Variants in CSTF3 observed in about 807,000 individuals in gnomAD.
CSTF3 encodes the protein CF-1 77 kDa subunit.
Under a neutral mutation model 105.8 loss-of-function variants are expected in CSTF3, and 29 were observed. The observed-to-expected ratio is 0.27, with a 90% CI of 0.20 to 0.37. The LOEUF (loss-of-function observed/expected upper bound fraction) is 0.37, where lower values mean the gene tolerates loss of function less well. Among genes scored for constraint, CSTF3 ranks in the 10% least tolerant of loss-of-function variants. The probability of loss-of-function intolerance (pLI) is 1.00; values close to 1 mark genes in which losing one functional copy is unlikely to be tolerated. For missense variants in CSTF3, 357 were observed against 879.3 expected (o/e 0.41, Z 7.51); for synonymous variants, 252 against 281.9 (o/e 0.89, Z 1.06).
At chr11:33,086,015 C>A in intron 18 of CSTF3, 26 bp from the exon 19 acceptor site, 1 of 1,390,764 alleles carries the variant, frequency 7.2e-7, no homozygotes, top group Non-Finnish European at 9.6e-7. Context: ...AAGTATGAAT[C>A]AAGTGGAATG....
chr11:33,145,527 T>C (rs1298158419), intron 1 of CSTF3, among the ~76,000 whole-genome samples: 1 of 152,166 alleles, frequency 6.6e-6, no homozygotes, highest in South Asian at 2.1e-4. Context: ...ATGCAAATAT[T>C]GGCCGGGCAC....
At chr11:33,131,621 CG>C (rs1205261195) in intron 3 of CSTF3, among the ~76,000 whole-genome samples, 1 of 151,772 alleles carries the variant, frequency 6.6e-6, no homozygotes, top group Non-Finnish European at 1.5e-5. Flanking sequence ...CCGAGGCAGG[CG>C]GATCACGAGG....
chr11:33,090,853 A>G (rs1215558169), intron 16 of CSTF3, 126 bp from the exon 17 acceptor site: 9 of 546,732 alleles, frequency 1.6e-5, no homozygotes, highest in South Asian at 3.9e-5. Flanking sequence ...TTTATTATAA[A>G]GATTTTTAGA....
At chr11:33,107,057 G>C (rs1317952566) in intron 5 of CSTF3, among the ~76,000 whole-genome samples, 2 of 152,072 alleles carry the variant, frequency 1.3e-5, no homozygotes, top group Non-Finnish European at 2.9e-5. Flanking sequence ...AATTGCTTGA[G>C]CTCAGTAGTT....
intron 3 of CSTF3, among the ~76,000 whole-genome samples, chr11:33,116,620 G>A (rs1344631541): frequency 6.6e-6 from 1 of 152,166 alleles, no homozygotes; most frequent in African/African-American, 2.4e-5. Context: ...CCATTACAGA[G>A]GGCATAAAAA....
At chr11:33,128,796 TA>T (rs898951196) in intron 3 of CSTF3, among the ~76,000 whole-genome samples, 1 of 152,186 alleles carries the variant, frequency 6.6e-6, no homozygotes, top group Non-Finnish European at 1.5e-5. Flanking sequence ...TAAAAAATTA[TA>T]AATCATCAAG....
chr11:33,137,352 T>C (rs1006827681), intron 3 of CSTF3, among the ~76,000 whole-genome samples: 1 of 151,816 alleles, frequency 6.6e-6, no homozygotes, highest in African/African-American at 2.4e-5. Context: ...CTACATCCTT[T>C]TGAAAGTAGT....
intron 3 of CSTF3, among the ~76,000 whole-genome samples, chr11:33,109,142 C>T (rs985588493): frequency 1.3e-5 from 2 of 152,150 alleles, no homozygotes; most frequent in African/African-American, 4.8e-5. Flanking sequence ...TTATTCCAGG[C>T]AGGAGAAATA....
intron 17 of CSTF3, among the ~76,000 whole-genome samples, chr11:33,088,126 C>T (rs1419125364): frequency 1.3e-5 from 2 of 152,114 alleles, no homozygotes; most frequent in African/African-American, 2.4e-5. Flanking sequence ...CATTGGGTAT[C>T]GCTTTTTAAA....
chr11:33,088,792 T>C (rs974645036), intron 17 of CSTF3, among the ~76,000 whole-genome samples: 1 of 150,534 alleles, frequency 6.6e-6, no homozygotes, highest in Admixed American at 6.6e-5. Flanking sequence ...TTTTTCTCTC[T>C]TTTTTTGGTA....
intron 3 of CSTF3, among the ~76,000 whole-genome samples, chr11:33,127,793 C>T (rs1445443932): frequency 6.6e-6 from 1 of 152,092 alleles, no homozygotes; most frequent in Non-Finnish European, 1.5e-5. Context: ...ATCCAGAAGA[C>T]ATCAAAACAT....
At chr11:33,155,225 G>A (rs1266952839) in intron 1 of CSTF3, among the ~76,000 whole-genome samples, 9 of 151,834 alleles carry the variant, frequency 5.9e-5, no homozygotes, top group Admixed American at 2.0e-4. Flanking sequence ...GCGTGAGGGC[G>A]TGGTGGCGGG....
At chr11:33,153,610 C>A (rs1423824152) in intron 1 of CSTF3, among the ~76,000 whole-genome samples, 1 of 151,196 alleles carries the variant, frequency 6.6e-6, no homozygotes, top group Non-Finnish European at 1.5e-5. Flanking sequence ...TGCACTGCAG[C>A]CTGGGCAACA....
chr11:33,129,137 G>A (rs1480631120), intron 3 of CSTF3, among the ~76,000 whole-genome samples: 8 of 152,192 alleles, frequency 5.3e-5, no homozygotes. Flanking sequence ...TGTTGCCCAG[G>A]CTGCAGTGCA....
chr11:33,088,901 AGCCACTGT>A (rs1855136817), intron 17 of CSTF3, among the ~76,000 whole-genome samples: 1 of 152,240 alleles, frequency 6.6e-6, no homozygotes, highest in Admixed American at 6.5e-5. Context: ...TATAGGCGTG[AGCCACTGT>A]GCCTGGCAGA....
chr11:33,118,856 C>T lies in CSTF3; in HGVS notation c.226-10438G>A, dbSNP rs982760487. On this transcript the variant is annotated intron_variant, in intron 3 of 20. Coordinates refer to ENST00000323959, the MANE Select transcript of CSTF3 (RefSeq NM_001326.3). ...AAACGTCTAATATTAGTTTATTGCA[C>T]ATCAACTTATAGTCTTTTCTACCTT... is the stretch of plus-strand genomic sequence containing the variant. Among the ~76,000 whole-genome samples the T allele has an allele frequency of 5.3e-5, 8 of 151,710 alleles. No individual in the cohort carries two copies. In the South Asian group the frequency reaches 1.2e-3, roughly 24 times the overall value.
chr11:33,095,851 T>C (rs1009710607), intron 15 of CSTF3, among the ~76,000 whole-genome samples: 1 of 151,894 alleles, frequency 6.6e-6, no homozygotes, highest in Non-Finnish European at 1.5e-5. Flanking sequence ...AATAAATAAA[T>C]AAATACTAAA....
intron 3 of CSTF3, among the ~76,000 whole-genome samples, chr11:33,117,020 T>C (rs564163179): frequency 5.3e-5 from 8 of 152,070 alleles, no homozygotes; most frequent in African/African-American, 1.9e-4. Context: ...AACTCAGGTA[T>C]AAATTGTCTG....
intron 3 of CSTF3, among the ~76,000 whole-genome samples, chr11:33,135,902 T>C (rs1043969898): frequency 6.6e-6 from 1 of 151,930 alleles, no homozygotes; most frequent in Admixed American, 6.5e-5. Flanking sequence ...GTCACATGAA[T>C]AGAAGTATTT....
Sources: gnomAD v4.1 joint callset for allele counts (sites outside exome capture counted in the v4.1 genomes callset) on GRCh38, gnomAD v4.1.1 for gene constraint, MANE v1.5 for transcripts, NCBI Gene and HGNC (gene_info 2026-07-23, HGNC 2026-07-21) for gene names.